KCNQ1: variants seen among roughly 807,000 people sequenced by gnomAD.
The protein encoded by KCNQ1 is potassium voltage-gated channel subfamily KQT member 1.
KCNQ1 carries 49 observed loss-of-function variants against 72.4 expected under a neutral mutation model. The observed-to-expected ratio is 0.68, with a 90% confidence interval of 0.54 to 0.86. The LOEUF (loss-of-function observed/expected upper bound fraction) is 0.86. Ranked by LOEUF, KCNQ1 falls within the 40% of genes least tolerant of loss-of-function variation. The pLI is 0.00. For missense variants in KCNQ1, 790 were observed against 945.1 expected, an observed-to-expected ratio of 0.84 and a Z score of 2.15; for synonymous variants, 450 against 412.6, an observed-to-expected ratio of 1.09 and a Z score of -1.10.
intron 2 of KCNQ1, among the ~76,000 whole-genome samples, chr11:2,540,495 C>T (rs576581459): frequency 6.6e-5 from 10 of 152,314 alleles, no homozygotes; most frequent in South Asian, 2.1e-4. Context: ...AACTGGCCAA[C>T]GGGATGCCTG....
chr11:2,503,733 C>T (rs911447636), intron 1 of KCNQ1, among the ~76,000 whole-genome samples: 2 of 152,022 alleles, frequency 1.3e-5, no homozygotes, highest in African/African-American at 2.4e-5. Flanking sequence ...TGAAAAGGTA[C>T]TCAACGTCAC....
At chr11:2,812,711 G>A (rs1030142762) in intron 15 of KCNQ1, among the ~76,000 whole-genome samples, 3 of 152,174 alleles carry the variant, frequency 2.0e-5, no homozygotes, top group Admixed American at 1.3e-4. Flanking sequence ...CTCTTCCCTA[G>A]GAAGCAATCC....
rs1850038698 is a variant in KCNQ1, at chr11:2,664,996, T to C, written c.1514+2915T>C. On this transcript the variant is annotated intron_variant, in intron 11 of 15. Transcript: ENST00000155840. This position sits in a 1 kb window ranked among gnomAD's most constrained non-coding sequence, Gnocchi z 5.1. The stretch of plus-strand genomic sequence containing the variant: ...TCCCTGGGGCTGGGCGAAGCTCCTC[T>C]TTCCGGGGCCTGTTAGCCAGAGGTG... The C allele has an allele frequency of 5.0e-6, 2 of 398,652 alleles. No individual in the cohort carries two copies. Among genetic ancestry groups the C allele is most frequent in the Non-Finnish European group, 8.8e-6 (2 of 226,132 alleles). 24.7% of individuals were successfully genotyped at this position (398,652 alleles called of 1,614,324 possible). A position where few individuals can be genotyped will look rare whatever the true frequency, so the allele number is the denominator to read the frequency against.
At chr11:2,820,524 A>G (rs1847710402) in intron 15 of KCNQ1, among the ~76,000 whole-genome samples, 1 of 152,164 alleles carries the variant, frequency 6.6e-6, no homozygotes, top group Admixed American at 6.6e-5. Flanking sequence ...TAAACTTGTT[A>G]GTGGAGTTCT....
At chr11:2,823,528 A>AG (rs1236817989) in intron 15 of KCNQ1, among the ~76,000 whole-genome samples, 1 of 152,246 alleles carries the variant, frequency 6.6e-6, no homozygotes, top group Non-Finnish European at 1.5e-5. Context: ...GACCCTACAC[A>AG]GACAGAACAG....
chr11:2,583,165 C>T (rs1299537961), intron 6 of KCNQ1, among the ~76,000 whole-genome samples: 1 of 152,126 alleles, frequency 6.6e-6, no homozygotes, highest in Non-Finnish European at 1.5e-5. Flanking sequence ...GGCCCACGTT[C>T]CCAGCCAGCA....
chr11:2,495,179 G>C lies in KCNQ1; in HGVS notation c.387-32749G>C, dbSNP rs573266003. ...AGTTTGTATTTCTGTGGGATCAGTG[G>C]TGATATCCCCTTTATCATTTTTTAT... On this transcript the variant is annotated intron_variant, in intron 1 of 15. Transcript: ENST00000155840. The surrounding 1 kb of genome is among the most constrained non-coding windows in gnomAD (Gnocchi z 4.6). 6.6e-6 allele frequency among the ~76,000 whole-genome samples: 1 copy of C among 152,202 alleles called. No individual in the cohort carries two copies. The highest frequency in any genetic ancestry group is 1.9e-4 in the East Asian group (1 of 5,174).
rs1318984076 is a variant in KCNQ1 at position 2,848,626 on chromosome 11, C to T, written c.*623C>T. 4.4e-6 allele frequency: 2 copies of T among 452,490 alleles called. No homozygotes were observed. Among genetic ancestry groups the T allele is most frequent in the Non-Finnish European group, 8.9e-6 (2 of 225,508 alleles). 28.0% of individuals were successfully genotyped at this position (452,490 alleles called of 1,614,324 possible). On this transcript the variant is annotated 3_prime_UTR_variant, in exon 16 of 16. Transcript: ENST00000155840. The stretch of plus-strand genomic sequence containing the variant: ...GCAGGAGGGACAGTCTCACCATTTC[C>T]CCAGGGCACGTGGTTGAGTGGGGGG...
Position 2,676,673 on chromosome 11 carries a change from A to C in KCNQ1, c.1514+14592A>C, listed in dbSNP as rs1850300533. The C allele has an allele frequency of 2.5e-6, 1 of 398,544 alleles. No homozygotes were observed. The highest frequency in any genetic ancestry group is 2.1e-5 in the African/African-American group (1 of 48,626). 24.7% of individuals were successfully genotyped at this position (398,544 alleles called of 1,614,324 possible). A position where few individuals can be genotyped will look rare whatever the true frequency, so the allele number is the denominator to read the frequency against. On this transcript the variant is annotated intron_variant, in intron 11 of 15. Transcript: ENST00000155840. This position sits in a 1 kb window ranked among gnomAD's most constrained non-coding sequence, Gnocchi z 4.2. ...GTTCATTAAGGTCTTGAGTATTTCC[A>C]AGGGAGCACTAACTGGACTACAGCC...
Position 2,602,663 on chromosome 11 carries a change from T to C in KCNQ1, c.1393+13809T>C, listed in dbSNP as rs549418835. On this transcript the variant is annotated intron_variant, in intron 10 of 15. Transcript: ENST00000155840. This position sits in a 1 kb window ranked among gnomAD's most constrained non-coding sequence, Gnocchi z 4.8. ...ATCTCATTGTGGTTTACATTTACAT[T>C]TCCTCATTAGGATGATACTGAACAT... Among the ~76,000 whole-genome samples, 3 of 152,338 alleles carry C rather than the reference T, an allele frequency of 2.0e-5. No individual in the cohort carries two copies. The highest frequency in any genetic ancestry group is 7.2e-5 in the African/African-American group (3 of 41,576).
rs1849272648 is a variant in KCNQ1 at position 2,627,047 on chromosome 11, C to T, written c.1394-34914C>T. 1 of 398,422 alleles carries T rather than the reference C, an allele frequency of 2.5e-6. No homozygotes were observed. Among genetic ancestry groups the T allele is most frequent in the African/African-American group, 2.1e-5 (1 of 48,614 alleles). The allele number at this position is 398,422 out of a possible 1,614,324, so 24.7% of individuals were successfully genotyped here. A position where few individuals can be genotyped will look rare whatever the true frequency, so the allele number is the denominator to read the frequency against. On this transcript the variant is annotated intron_variant, in intron 10 of 15. Transcript: ENST00000155840. This position sits in a 1 kb window ranked among gnomAD's most constrained non-coding sequence, Gnocchi z 4.9. ...ACCTTAACAATATTGGCCTTCCAAT[C>T]CATGAACATAGGAGGTGTTTTCCCT... is the stretch of plus-strand genomic sequence containing the variant.
rs78009533 is a variant in KCNQ1 at position 2,544,790 on chromosome 11, C to T, written c.477+16772C>T. ...TTTACCTCTTTTTTTCAAATGTGGACGCCTATTTGTTTCTTTTTCTGGCCT... is the reference window on the plus strand; with the variant it reads ...TTTACCTCTTTTTTTCAAATGTGGATGCCTATTTGTTTCTTTTTCTGGCCT... On this transcript the variant is annotated intron_variant, in intron 2 of 15. Transcript: ENST00000155840. The surrounding 1 kb of genome is among the most constrained non-coding windows in gnomAD (Gnocchi z 4.4). Among the ~76,000 whole-genome samples, 339 of 151,954 alleles carry T rather than the reference C, an allele frequency of 2.2e-3. 1 individual carries two copies. The highest frequency in any genetic ancestry group is 7.7e-3 in the African/African-American group (319 of 41,432).
intron 15 of KCNQ1, among the ~76,000 whole-genome samples, chr11:2,797,671 C>T (rs946345658): frequency 6.6e-6 from 1 of 152,054 alleles, no homozygotes; most frequent in African/African-American, 2.4e-5. Context: ...TGTAGTCTGG[C>T]CCCTCCTCCT....
rs548364473 is a variant in KCNQ1, at chr11:2,459,092, G to A, written c.386+13608G>A. Among the ~76,000 whole-genome samples the A allele has an allele frequency of 1.1e-3, 168 of 152,326 alleles. 2 individuals carry two copies. Among genetic ancestry groups the A allele is most frequent in the African/African-American group, 3.9e-3 (163 of 41,574 alleles). On this transcript the variant is annotated intron_variant, in intron 1 of 15. Transcript: ENST00000155840. ...GGCTTCCTTCCTTCCCAGGCACAGG[G>A]GCTTTATGGGGCTCTGGAGCAGACA...
intron 11 of KCNQ1, chr11:2,675,579 T>C (rs1382196896): frequency 7.5e-6 from 3 of 398,522 alleles, no homozygotes; most frequent in African/African-American, 6.2e-5. Flanking sequence ...ACAGTTTCAC[T>C]TCCTAGGAGA....
At chr11:2,552,466 C>T (rs9299930) in intron 2 of KCNQ1, among the ~76,000 whole-genome samples, 31,549 of 152,144 alleles carry the variant, frequency 0.21, 3,435 homozygotes, top group Non-Finnish European at 0.24. Context: ...GTGACTTTTA[C>T]GCTAAGCCTT....
In KCNQ1 at chr11:2,768,980, C is replaced by G; in HGVS notation, c.1590+61C>G. The G allele has an allele frequency of 7.5e-7, 1 of 1,335,256 alleles. No homozygotes were observed. The highest frequency in any genetic ancestry group is 1.1e-6 in the Non-Finnish European group (1 of 928,200). The allele number at this position is 1,335,256 out of a possible 1,614,324, so 82.7% of individuals were successfully genotyped here. On this transcript the variant is annotated intron_variant, in intron 12 of 15. Coordinates refer to ENST00000155840, the MANE Select transcript of KCNQ1 (RefSeq NM_000218.3). This position sits in a 1 kb window ranked among gnomAD's most constrained non-coding sequence, Gnocchi z 6.7. ...GCCCCTCGCAGCCTGATGCAGCTGCCCACACCTCTCCTGGGTTCTCTCCTG... is the reference window on the plus strand; with the variant it reads ...GCCCCTCGCAGCCTGATGCAGCTGCGCACACCTCTCCTGGGTTCTCTCCTG...
At chr11:2,467,456 G>T (rs1179014715) in intron 1 of KCNQ1, among the ~76,000 whole-genome samples, 3 of 152,162 alleles carry the variant, frequency 2.0e-5, no homozygotes, top group Non-Finnish European at 4.4e-5. Context: ...AGAGGATATG[G>T]TGTGGCCGGG....
Position 2,685,966 on chromosome 11 carries a change from G to C in KCNQ1, c.1514+23885G>C, listed in dbSNP as rs995377061. On this transcript the variant is annotated intron_variant, in intron 11 of 15. Transcript: ENST00000155840. ...CCTCCTGCTGGGTCACACGGATGAG[G>C]CCTGTACACTCTGGGCCTCAGACTC... 31 of 398,684 alleles carry C rather than the reference G, an allele frequency of 7.8e-5. 1 individual carries two copies. In the South Asian group the frequency reaches 8.9e-4, roughly 11 times the overall value. The allele number at this position is 398,684 out of a possible 1,614,324, so 24.7% of individuals were successfully genotyped here.
Sources: gnomAD v4.1 joint callset for allele counts (sites outside exome capture counted in the v4.1 genomes callset) on GRCh38, gnomAD v4.1.1 for gene constraint, Gnocchi (gnomAD v3.1) non-coding constraint, MANE v1.5 for transcripts, NCBI Gene and HGNC (gene_info 2026-07-23, HGNC 2026-07-21) for gene names.